The following KL variants were observed in gnomAD, a reference collection of about 807,000 sequenced individuals.
KL encodes the protein klotho.
KL carries 62 observed loss-of-function variants against 84.2 expected under a neutral mutation model. The observed-to-expected ratio is 0.74, with a 90% CI of 0.60 to 0.91. The LOEUF (loss-of-function observed/expected upper bound fraction) is 0.91. Among genes scored for constraint, KL ranks in the 40% least tolerant of loss-of-function variants. The pLI is 0.00. For synonymous variants in KL, 528 were observed against 528.0 expected (o/e 1.00, Z 0.00); for missense variants, 1,261 against 1,305.7 (o/e 0.97, Z 0.53).
intron 1 of KL, 107 bp from the exon 2 acceptor site, chr13:33,053,660 G>T (rs1367801281): frequency 2.8e-6 from 3 of 1,081,138 alleles, no homozygotes; most frequent in Non-Finnish European, 2.8e-6. Context: ...TAGTCATTAA[G>T]TTAGGCTTGA....
intron 1 of KL, among the ~76,000 whole-genome samples, chr13:33,031,734 A>C (rs1161580132): frequency 1.3e-5 from 2 of 152,234 alleles, no homozygotes; most frequent in South Asian, 2.1e-4. Context: ...TTACGAGAAG[A>C]AAGAGCTAAA....
rs771453117 is a variant in KL, at chr13:33,055,141, A to G, written c.1425A>G (p.Gly475=). ...ACAGAGGTTACAGCATCAGGCGTGG[A>G]CTCTTCTATGTTGACTTTCTAAGCC... ...EWHRGYSIRR[G]LFYVDFLSQD... Residue 475 remains glycine (G), a synonymous_variant, in exon 3 of 5, where the codon GGA becomes GGG. Transcript: ENST00000380099. 2 of 1,614,040 alleles carry G rather than the reference A, an allele frequency of 1.2e-6. No individual in the cohort carries two copies. Among genetic ancestry groups the G allele is most frequent in the East Asian group, 2.2e-5 (1 of 44,874 alleles).
At position 33,064,067 on chromosome 13, in the gene KL, A is replaced by G; in HGVS notation, c.2920A>G (p.Ser974Gly). 6.2e-7 allele frequency: 1 copy of G among 1,614,130 alleles called. No homozygotes were observed. The highest frequency in any genetic ancestry group is 8.5e-7 in the Non-Finnish European group (1 of 1,179,996). ...PEEFTVCTEC[S>G]FFHTRKSLLA... Reference sequence around the variant, plus strand: ...AGAATTCACCGTGTGTACTGAGTGCAGTTTTTTTCACACCCGAAAGTCTTT... The same window carrying G: ...AGAATTCACCGTGTGTACTGAGTGCGGTTTTTTTCACACCCGAAAGTCTTT... The change falls in exon 5 of 5, where the codon AGT (serine) becomes GGT (glycine). Residue 974 changes from serine (S) to glycine (G), a missense_variant. Coordinates refer to ENST00000380099, the MANE Select transcript of KL (RefSeq NM_004795.4).
chr13:33,029,790 T>C (rs1042058072), intron 1 of KL, among the ~76,000 whole-genome samples: 7 of 152,148 alleles, frequency 4.6e-5, no homozygotes, highest in Non-Finnish European at 7.4e-5. Flanking sequence ...CCTGCCGCCA[T>C]GCCTGGCTAA....
chr13:33,031,343 C>A lies in KL; in HGVS notation c.819+14084C>A, dbSNP rs932218250. Reference sequence around the variant, plus strand: ...CCAAACTGGACTTGGAGGCTGGAAACTTCTAGCAGGGAAGGAAGAGCTCTG... The same window carrying A: ...CCAAACTGGACTTGGAGGCTGGAAAATTCTAGCAGGGAAGGAAGAGCTCTG... On this transcript the variant is annotated intron_variant, in intron 1 of 4. Coordinates refer to ENST00000380099, the MANE Select transcript of KL (RefSeq NM_004795.4). Among the ~76,000 whole-genome samples the A allele has an allele frequency of 1.8e-4, 28 of 152,288 alleles. 1 individual carries two copies. In the South Asian group the frequency reaches 4.4e-3, roughly 24 times the overall value.
In KL at chr13:33,016,516, C is replaced by T. The variant is rs1309868025; in HGVS notation, c.76C>T (p.Leu26=). The part of the protein sequence containing the change: ...SLSLLLVLLG[L]GGRRLRAEPG... ...GTCGCTGCTGCTGGTGCTGCTGGGC[C>T]TGGGCGGCCGCCGCCTGCGTGCGGA... Residue 26 remains leucine, a synonymous_variant, in exon 1 of 5, where the codon CTG becomes TTG. Coordinates refer to ENST00000380099, the MANE Select transcript of KL (RefSeq NM_004795.4). 6.0e-6 allele frequency: 8 copies of T among 1,330,090 alleles called. No individual in the cohort carries two copies. The South Asian group carries it at 1.2e-4, about 20-fold the overall frequency. The allele number at this position is 1,330,090 out of a possible 1,614,324, so 82.4% of individuals were successfully genotyped here.
chr13:33,064,216 G>C lies in KL; in HGVS notation c.*30G>C, dbSNP rs1265226456. On this transcript the variant is annotated 3_prime_UTR_variant, in exon 5 of 5. Transcript: ENST00000380099. Reference sequence around the variant, plus strand: ...GAACATTTTTCTATTCATTCATTTTGAAATAATTATGCAGACACATCAGCT... The same window carrying C: ...GAACATTTTTCTATTCATTCATTTTCAAATAATTATGCAGACACATCAGCT... The C allele has an allele frequency of 6.7e-7, 1 of 1,501,002 alleles. No individual in the cohort carries two copies. Among genetic ancestry groups the C allele is most frequent in the Non-Finnish European group, 9.2e-7 (1 of 1,082,492 alleles). 93.0% of individuals were successfully genotyped at this position (1,501,002 alleles called of 1,614,324 possible).
chr13:33,031,437 G>GA (rs34223248), intron 1 of KL, among the ~76,000 whole-genome samples: 21,989 of 151,928 alleles, frequency 0.14, 1,667 homozygotes, highest in South Asian at 0.17. Flanking sequence ...CTAACACATT[G>GA]AAAAAATCAC....
intron 1 of KL, among the ~76,000 whole-genome samples, chr13:33,032,345 G>C (rs1871001608): frequency 6.6e-6 from 1 of 152,190 alleles, no homozygotes; most frequent in African/African-American, 2.4e-5. Flanking sequence ...GTCAGGATTA[G>C]GGGAGGGCTC....
chr13:33,032,108 G>A (rs2138202423), intron 1 of KL, among the ~76,000 whole-genome samples: 1 of 152,224 alleles, frequency 6.6e-6, no homozygotes, highest in South Asian at 2.1e-4. Context: ...GGGTGTGCTA[G>A]CAAATGCCTA....
intron 1 of KL, among the ~76,000 whole-genome samples, chr13:33,047,794 G>C (rs550418111): frequency 6.6e-6 from 1 of 151,816 alleles, no homozygotes; most frequent in Non-Finnish European, 1.5e-5. Flanking sequence ...GGAAAAATCA[G>C]ATTTTTTGGT....
At chr13:33,041,811 T>G (rs1334928) in intron 1 of KL, among the ~76,000 whole-genome samples, 47,526 of 151,998 alleles carry the variant, frequency 0.31, 8,697 homozygotes, top group Admixed American at 0.44. Flanking sequence ...CCAGTCTTTT[T>G]TAGCATTCTT....
intron 1 of KL, among the ~76,000 whole-genome samples, chr13:33,028,822 T>A (rs1245036883): frequency 1.3e-5 from 2 of 152,262 alleles, no homozygotes; most frequent in Admixed American, 6.5e-5. Context: ...GGCAGAATAA[T>A]GTCAATACCA....
chr13:33,020,620 G>A (rs1166539000), intron 1 of KL, among the ~76,000 whole-genome samples: 1 of 151,986 alleles, frequency 6.6e-6, no homozygotes, highest in Non-Finnish European at 1.5e-5. Context: ...GTTGGACCCC[G>A]AATCTTAACT....
At chr13:33,038,215 C>T (rs1871211645) in intron 1 of KL, among the ~76,000 whole-genome samples, 1 of 152,202 alleles carries the variant, frequency 6.6e-6, no homozygotes, top group Non-Finnish European at 1.5e-5. Context: ...TATTCTGGCC[C>T]CATACTGTCT....
chr13:33,030,120 T>C (rs1272449999), intron 1 of KL, among the ~76,000 whole-genome samples: 1 of 152,084 alleles, frequency 6.6e-6, no homozygotes, highest in Non-Finnish European at 1.5e-5. Flanking sequence ...GCCTGAGATA[T>C]TGAACCCACT....
intron 1 of KL, among the ~76,000 whole-genome samples, chr13:33,032,583 TTTC>T (rs772017453): frequency 8.6e-5 from 13 of 151,432 alleles, no homozygotes; most frequent in African/African-American, 2.4e-4. Context: ...ATGGACTTCT[TTTC>T]TTCTTCTTCT....
intron 4 of KL, among the ~76,000 whole-genome samples, chr13:33,062,563 C>A (rs1309572885): frequency 6.7e-6 from 1 of 148,944 alleles, no homozygotes; most frequent in African/African-American, 2.5e-5. Context: ...ATCTCAGCTA[C>A]TCGGGAGGCT....
At chr13:33,040,087 G>A (rs1871283406) in intron 1 of KL, among the ~76,000 whole-genome samples, 1 of 152,182 alleles carries the variant, frequency 6.6e-6, no homozygotes, top group African/African-American at 2.4e-5. Context: ...TTAAGGAACT[G>A]CACACAGAGA....
Sources: allele counts gnomAD v4.1 joint callset (sites outside exome capture counted in the v4.1 genomes callset), GRCh38; gene constraint gnomAD v4.1.1; transcripts MANE v1.5; gene names NCBI Gene and HGNC (gene_info 2026-07-23, HGNC 2026-07-21).